CNTNAP3B: variants seen among roughly 807,000 people sequenced by gnomAD.
The protein encoded by CNTNAP3B is contactin associated protein family member 3B, also known as contactin-associated protein-like 3B.
In CNTNAP3B, 25 loss-of-function variants were observed where a neutral mutation model predicts 108.9. The ratio of observed to expected loss-of-function variants is 0.23; its 90% CI spans 0.17 to 0.32. CNTNAP3B has a LOEUF of 0.32. Among genes scored for constraint, CNTNAP3B ranks in the 10% least tolerant of loss-of-function variants. CNTNAP3B has a pLI of 1.00. For missense variants in CNTNAP3B, 252 were observed against 1,210.4 expected (o/e 0.21, Z 11.75); for synonymous variants, 103 against 473.4 (o/e 0.22, Z 10.16).
chr9:41,991,231 C>A (rs1199297548), intron 8 of CNTNAP3B, among the ~76,000 whole-genome samples: 3 of 90,868 alleles, frequency 3.3e-5, no homozygotes, highest in Non-Finnish European at 6.8e-5. Context: ...AGACCCTGAG[C>A]GGCAGGGCGG....
At chr9:42,106,116 T>G (rs1260649939) in intron 1 of CNTNAP3B, among the ~76,000 whole-genome samples, 1 of 9,150 alleles carries the variant, frequency 1.1e-4, no homozygotes, top group African/African-American at 2.9e-4. Context: ...TGAGTGAATA[T>G]CATTTCATAA....
intron 1 of CNTNAP3B, among the ~76,000 whole-genome samples, chr9:42,117,590 A>G (rs1261900186): frequency 7.2e-6 from 1 of 139,066 alleles, no homozygotes; most frequent in Non-Finnish European, 1.5e-5. Context: ...TCTAAAATTG[A>G]CACCCTAACA....
intron 9 of CNTNAP3B, chr9:41,980,724 G>A (rs1825612993): frequency 2.0e-5 from 3 of 147,422 alleles, no homozygotes; most frequent in Admixed American, 1.4e-4. Flanking sequence ...AACAAATGAG[G>A]CATTGGAGGA....
chr9:41,982,063 CA>C (rs541712479), intron 9 of CNTNAP3B, among the ~76,000 whole-genome samples: 6,586 of 42,218 alleles, frequency 0.16, 23 homozygotes, highest in Middle Eastern at 0.26. Context: ...TCTAAAGTCT[CA>C]AAAAAAAAAA....
chr9:42,036,729 A>G (rs1826639979), intron 3 of CNTNAP3B, among the ~76,000 whole-genome samples: 1 of 138,826 alleles, frequency 7.2e-6, no homozygotes, highest in Non-Finnish European at 1.5e-5. Flanking sequence ...TTGAGATCTG[A>G]GAATGTACAG....
At chr9:41,969,784 A>AT (rs761346775) in intron 10 of CNTNAP3B, among the ~76,000 whole-genome samples, 933 of 83,324 alleles carry the variant, frequency 0.011, 99 homozygotes, top group Admixed American at 0.046. Flanking sequence ...CGCCTGGCTA[A>AT]TTTTTTTTTT....
At chr9:42,067,785 GT>G (rs1827305033) in intron 3 of CNTNAP3B, among the ~76,000 whole-genome samples, 1 of 136,854 alleles carries the variant, frequency 7.3e-6, no homozygotes, top group Non-Finnish European at 1.6e-5. Flanking sequence ...AGAATAATCA[GT>G]TTAAAAAATT....
chr9:41,950,817 G>A (rs1051667121), intron 13 of CNTNAP3B, among the ~76,000 whole-genome samples: 1 of 136,636 alleles, frequency 7.3e-6, no homozygotes, highest in Non-Finnish European at 1.5e-5. Flanking sequence ...CTGGAGTGCA[G>A]TGGCGCCATC....
chr9:42,069,879 G>C (rs1403759340), intron 3 of CNTNAP3B, among the ~76,000 whole-genome samples: 1 of 100,484 alleles, frequency 1.0e-5, no homozygotes, highest in Non-Finnish European at 2.0e-5. Context: ...AATTAAGTGA[G>C]AATGTTTCAT....
chr9:42,059,766 AT>A (rs1206461736), intron 3 of CNTNAP3B, among the ~76,000 whole-genome samples: 1 of 69,170 alleles, frequency 1.4e-5, no homozygotes, highest in Admixed American at 1.7e-4. Context: ...CTCATTGTTT[AT>A]TTTTTTGTAG....
At chr9:41,958,152 G>A in intron 12 of CNTNAP3B, among the ~76,000 whole-genome samples, 2 of 152,218 alleles carry the variant, frequency 1.3e-5, no homozygotes, top group Middle Eastern at 6.8e-3. Context: ...CTGTTGCCCA[G>A]GCTAGAGTGC....
chr9:41,986,624 G>A (rs1185545681), intron 8 of CNTNAP3B, among the ~76,000 whole-genome samples: 4 of 151,380 alleles, frequency 2.6e-5, no homozygotes, highest in African/African-American at 9.8e-5. Flanking sequence ...AAACAACACA[G>A]TTTGGTTTAA....
chr9:42,003,800 C>CA lies in CNTNAP3B; in HGVS notation c.539-5197dup, dbSNP rs565850278. 4.8e-3 allele frequency among the ~76,000 whole-genome samples: 633 copies of CA among 132,662 alleles called. 27 individuals are homozygous for CA. Among genetic ancestry groups the CA allele is most frequent in the African/African-American group, 0.018 (592 of 33,358 alleles). 87.0% of individuals were successfully genotyped at this position (132,662 alleles called of 152,430 possible). A position where few individuals can be genotyped will look rare whatever the true frequency, so the allele number is the denominator to read the frequency against. ...CATGGTAAAATTTCTACTAAAAATA[C>CA]AAAAAAATCAGCTGGGTGTAGTGGT... On this transcript the variant is annotated intron_variant, in intron 4 of 23. Coordinates refer to ENST00000377561, the MANE Select transcript of CNTNAP3B (RefSeq NM_001201380.3).
At chr9:42,098,515 G>A (rs1288530589) in intron 2 of CNTNAP3B, among the ~76,000 whole-genome samples, 1 of 98,206 alleles carries the variant, frequency 1.0e-5, no homozygotes, top group Admixed American at 1.1e-4. Context: ...CCTGGGAGGT[G>A]GAGCTTGCAG....
At chr9:42,098,481 G>T (rs1468221758) in intron 2 of CNTNAP3B, among the ~76,000 whole-genome samples, 1 of 108,088 alleles carries the variant, frequency 9.3e-6, no homozygotes, top group Non-Finnish European at 1.9e-5. Context: ...TACTTGGGAG[G>T]CTGAGGCAGG....
intron 12 of CNTNAP3B, among the ~76,000 whole-genome samples, chr9:41,955,879 C>T (rs1824841830): frequency 6.6e-6 from 1 of 152,260 alleles, no homozygotes; most frequent in South Asian, 2.1e-4. Context: ...GATGAAGTTG[C>T]ATCTGGATGA....
chr9:42,096,450 T>A lies in CNTNAP3B; in HGVS notation c.196+8179A>T, dbSNP rs1184270138. Among the ~76,000 whole-genome samples, 2 of 139,366 alleles carry A rather than the reference T, an allele frequency of 1.4e-5. 1 individual carries two copies. Among genetic ancestry groups the A allele is most frequent in the East Asian group, 4.4e-4 (2 of 4,584 alleles). 91.4% of individuals were successfully genotyped at this position (139,366 alleles called of 152,430 possible). ...TGCTTTTGGACTTCAGAAGTGAAGA[T>A]TAATGTCTTGGTTCACAGTCTCTGC... On this transcript the variant is annotated intron_variant, in intron 2 of 23. Transcript: ENST00000377561.
At chr9:42,069,612 T>TA (rs1267563215) in intron 3 of CNTNAP3B, among the ~76,000 whole-genome samples, 1 of 122,620 alleles carries the variant, frequency 8.2e-6, no homozygotes, top group African/African-American at 3.4e-5. Context: ...AACAAACTTC[T>TA]AAAGCTTGGG....
At chr9:42,075,248 G>A (rs2118606938) in intron 3 of CNTNAP3B, among the ~76,000 whole-genome samples, 1 of 147,014 alleles carries the variant, frequency 6.8e-6, no homozygotes, top group Admixed American at 6.7e-5. Context: ...GATTACCTCT[G>A]TAAAAACCTT....
Sources: allele counts gnomAD v4.1 joint callset (sites outside exome capture counted in the v4.1 genomes callset), GRCh38; gene constraint gnomAD v4.1.1; transcripts MANE v1.5; gene names NCBI Gene and HGNC (gene_info 2026-07-23, HGNC 2026-07-21).